SLC6A9: variants seen among roughly 807,000 people sequenced by gnomAD.
The protein encoded by SLC6A9 is solute carrier family 6 member 9.
In SLC6A9, 31 loss-of-function variants were observed where a neutral mutation model predicts 70.9. The ratio of observed to expected loss-of-function variants is 0.44; its 90% CI spans 0.33 to 0.59. SLC6A9 has a LOEUF of 0.59. Ranked by LOEUF, SLC6A9 falls within the 20% of genes least tolerant of loss-of-function variation. The probability of loss-of-function intolerance (pLI) is 0.04; values close to 1 mark genes in which losing one functional copy is unlikely to be tolerated. For synonymous variants in SLC6A9, 310 were observed against 341.3 expected, an observed-to-expected ratio of 0.91 and a Z score of 1.01; for missense variants, 631 against 845.2, an observed-to-expected ratio of 0.75 and a Z score of 3.14.
rs1366926093 is a variant in SLC6A9, at chr1:44,008,420, G to A, written c.523C>T (p.Pro175Ser). The A allele has an allele frequency of 6.2e-7, 1 of 1,614,136 alleles. No homozygotes were observed. The highest frequency in any genetic ancestry group is 2.2e-5 in the East Asian group (1 of 44,880). The change falls in exon 5 of 14, where the codon CCC (proline) becomes TCC (serine). Residue 175 changes from proline (P) to serine (S), a missense_variant. Coordinates refer to ENST00000372310, the MANE Select transcript of SLC6A9 (RefSeq NM_001024845.3). ...LTNGSRPAALPSNLSHLLNHS... is the reference protein window; with the variant it reads ...LTNGSRPAALSSNLSHLLNHS... ...TTGAGCAGGTGGGAGAGGTTGCTGG[G>A]CAAGGCGGCTGGCCGAGAGCCATTG...
rs774933025 is a variant in SLC6A9 at position 43,997,631 on chromosome 1, C to T, written c.1816G>A (p.Glu606Lys). ...TTGTCCGGGTGCAGTGGCTGGACCT[C>T]GAAGCCGTCCTCAGGAGAGGGGGCT... ...TIAPSPEDGFEVQPLHPDKAQ... is the reference protein window; with the variant it reads ...TIAPSPEDGFKVQPLHPDKAQ... Residue 606 changes from glutamate (E) to lysine (K), a missense_variant, in exon 14 of 14, where the codon GAG (glutamate) becomes AAG (lysine). Physicochemically the swap from Glu to Lys is moderately conservative, Grantham distance 56 (BLOSUM62 1). Coordinates refer to ENST00000372310, the MANE Select transcript of SLC6A9 (RefSeq NM_001024845.3). The surrounding 1 kb of genome is among the most constrained non-coding windows in gnomAD (Gnocchi z 4.4). 2.5e-5 allele frequency: 40 copies of T among 1,613,848 alleles called. No homozygotes were observed. Among genetic ancestry groups the T allele is most frequent in the South Asian group, 6.6e-5 (6 of 91,078 alleles).
rs534609473 is a variant in SLC6A9 at position 44,008,290 on chromosome 1, T to G, written c.590+63A>C. ...GGCACCCTACTTTGTCTTCAGATGG[T>G]TGCCCAGTGGGGACAGGGTTGCCAC... On this transcript the variant is annotated intron_variant, in intron 5 of 13. Transcript: ENST00000372310. 8.4e-6 allele frequency: 13 copies of G among 1,542,940 alleles called. No homozygotes were observed. In the South Asian group the frequency reaches 1.2e-4, roughly 15 times the overall value.
At position 44,008,485 on chromosome 1, in the gene SLC6A9, G is replaced by A. The variant is rs1007434363; in HGVS notation, c.458C>T (p.Thr153Met). The stretch of plus-strand genomic sequence containing the variant: ...GTCCAGTACACCGGCGCAGTCATGC[G>A]TGTTCCAGGGGTTATTGCAGTAGGC... The part of the protein sequence containing the change: ...PWAYCNNPWN[T>M]HDCAGVLDAS... The change falls in exon 5 of 14, where the codon ACG becomes ATG. Residue 153 changes from threonine to methionine, a missense_variant. By Grantham distance (81) the Thr-to-Met change is moderately conservative. Coordinates refer to ENST00000372310, the MANE Select transcript of SLC6A9 (RefSeq NM_001024845.3). The A allele has an allele frequency of 3.7e-6, 6 of 1,614,202 alleles. No homozygotes were observed. Among genetic ancestry groups the A allele is most frequent in the South Asian group, 2.2e-5 (2 of 91,084 alleles).
chr1:44,024,102 G>T, intron 2 of SLC6A9, 146 bp downstream of exon 2: 3 of 803,490 alleles, frequency 3.7e-6, no homozygotes, highest in South Asian at 2.8e-5. Flanking sequence ...CTAGATGAGG[G>T]GCTACCTGCC....
At position 44,000,877 on chromosome 1, in the gene SLC6A9, TG is replaced by T. The variant is rs2086068711; in HGVS notation, c.1436-11del. On this transcript the variant is annotated splice_polypyrimidine_tract_variant and intron_variant, in intron 11 of 13. Coordinates refer to ENST00000372310, the MANE Select transcript of SLC6A9 (RefSeq NM_001024845.3). ...AAGTAGTTCCGGTGCCCTGGAGAGA[TG>T]GGGGGTCAGCAGACCCGCAGGACAG... 5 of 1,601,258 alleles carry T rather than the reference TG, an allele frequency of 3.1e-6. No homozygotes were observed. The highest frequency in any genetic ancestry group is 1.3e-5 in the African/African-American group (1 of 74,450).
At chr1:44,010,462 G>GGT (rs2086513392) in intron 3 of SLC6A9, 1 of 229,564 alleles carries the variant, frequency 4.4e-6, no homozygotes. Context: ...TGGGCGGGGG[G>GGT]GGGGGGGGGT....
intron 2 of SLC6A9, among the ~76,000 whole-genome samples, chr1:44,012,237 T>A (rs939937567): frequency 1.3e-5 from 2 of 152,242 alleles, no homozygotes; most frequent in African/African-American, 4.8e-5. Flanking sequence ...ACCCTGATGC[T>A]GATGAACAAA....
At chr1:44,009,921 G>T (rs199967191) in intron 4 of SLC6A9, 44 bp downstream of exon 4, 11 of 1,602,558 alleles carry the variant, frequency 6.9e-6, no homozygotes, top group Non-Finnish European at 9.4e-6. Context: ...AGAGGCCGTT[G>T]TGTGTTTGTG....
chr1:43,998,098 C>G (rs949994489), intron 12 of SLC6A9, 73 bp from the exon 13 acceptor site: 1 of 1,381,466 alleles, frequency 7.2e-7, no homozygotes. Context: ...CCTCTACCAG[C>G]ACCCTTTCCT....
At chr1:44,000,728 G>A (rs1205445767) in intron 12 of SLC6A9, 39 bp downstream of exon 12, 1 of 1,344,470 alleles carries the variant, frequency 7.4e-7, no homozygotes, top group Non-Finnish European at 1.1e-6. Context: ...CATGGCCAAG[G>A]GGCAGCGGGG....
chr1:44,002,806 A>C lies in SLC6A9; in HGVS notation c.723+47T>G. The C allele has an allele frequency of 6.2e-7, 1 of 1,610,886 alleles. No individual in the cohort carries two copies. Among genetic ancestry groups the C allele is most frequent in the Non-Finnish European group, 8.5e-7 (1 of 1,177,572 alleles). The stretch of plus-strand genomic sequence containing the variant: ...TACACACATAACCCAGGTAGGGGGC[A>C]GGGTCTTTCTGGGTGGGCACAGACC... On this transcript the variant is annotated intron_variant, in intron 6 of 13. Coordinates refer to ENST00000372310, the MANE Select transcript of SLC6A9 (RefSeq NM_001024845.3). This position sits in a 1 kb window ranked among gnomAD's most constrained non-coding sequence, Gnocchi z 5.5.
chr1:44,015,097 T>G (rs531181085), intron 2 of SLC6A9, among the ~76,000 whole-genome samples: 1 of 152,200 alleles, frequency 6.6e-6, no homozygotes, highest in Admixed American at 6.5e-5. Flanking sequence ...GCCCTTTTTT[T>G]TCCTGATTAT....
At position 43,997,141 on chromosome 1, in the gene SLC6A9, T is replaced by G. The variant is rs1444951717; in HGVS notation, c.*404A>C. 1 of 217,206 alleles carries G rather than the reference T, an allele frequency of 4.6e-6. No homozygotes were observed. The highest frequency in any genetic ancestry group is 7.6e-5 in the South Asian group (1 of 13,104). The allele number at this position is 217,206 out of a possible 1,614,324, so 13.5% of individuals were successfully genotyped here. The stretch of plus-strand genomic sequence containing the variant: ...GCCCCTAGGGAGGAATAGCCAAATG[T>G]GCCTGGCAGAGGCTGGGGTCGGCTC... On this transcript the variant is annotated 3_prime_UTR_variant, in exon 14 of 14. Coordinates refer to ENST00000372310, the MANE Select transcript of SLC6A9 (RefSeq NM_001024845.3). This position sits in a 1 kb window ranked among gnomAD's most constrained non-coding sequence, Gnocchi z 4.4.
chr1:44,008,780 C>T (rs999526818), intron 4 of SLC6A9, among the ~76,000 whole-genome samples, 157 bp from the exon 5 acceptor site: 1 of 150,582 alleles, frequency 6.6e-6, no homozygotes, highest in Non-Finnish European at 1.5e-5. Context: ...AGTGCAGTGG[C>T]GGAATCTTGG....
chr1:44,009,304 C>G (rs1053812390), intron 4 of SLC6A9, among the ~76,000 whole-genome samples: 4 of 151,476 alleles, frequency 2.6e-5, no homozygotes, highest in Non-Finnish European at 5.9e-5. Context: ...ACTACAAGCT[C>G]TGCCTCCCGG....
At position 44,001,767 on chromosome 1, in the gene SLC6A9, G is replaced by T. The variant is rs910298506; in HGVS notation, c.963-140C>A. ...GTGGGAGACAGGGTCTCACTCTGTTGTCCAGGATGGAGTGCAATGGCGCTA... is the reference window on the plus strand; with the variant it reads ...GTGGGAGACAGGGTCTCACTCTGTTTTCCAGGATGGAGTGCAATGGCGCTA... On this transcript the variant is annotated intron_variant, in intron 8 of 13. Transcript: ENST00000372310. The T allele has an allele frequency of 1.9e-5, 13 of 687,684 alleles. 1 individual carries two copies. The highest frequency in any genetic ancestry group is 3.3e-5 in the Non-Finnish European group (13 of 388,524). The allele number at this position is 687,684 out of a possible 1,614,324, so 42.6% of individuals were successfully genotyped here. A position where few individuals can be genotyped will look rare whatever the true frequency, so the allele number is the denominator to read the frequency against.
chr1:44,013,383 C>T lies in SLC6A9; in HGVS notation c.31-2501G>A, dbSNP rs545324508. On this transcript the variant is annotated intron_variant, in intron 2 of 13. Transcript: ENST00000372310. The surrounding 1 kb of genome is among the most constrained non-coding windows in gnomAD (Gnocchi z 5.3). Reference sequence around the variant, plus strand: ...CTTCCAGCCACGTGCCACAGACAGCCGCCTGCCTGAGCCCTCAAGAGCCAG... The same window carrying T: ...CTTCCAGCCACGTGCCACAGACAGCTGCCTGCCTGAGCCCTCAAGAGCCAG... Among the ~76,000 whole-genome samples, 8 of 152,308 alleles carry T rather than the reference C, an allele frequency of 5.3e-5. No homozygotes were observed. Among genetic ancestry groups the T allele is most frequent in the Middle Eastern group, 3.4e-3 (1 of 294 alleles).
chr1:44,007,808 G>A (rs775809195), intron 5 of SLC6A9, among the ~76,000 whole-genome samples: 1 of 151,910 alleles, frequency 6.6e-6, no homozygotes, highest in Admixed American at 6.6e-5. Context: ...CTGAAGGCTG[G>A]TTTGCTGGAT....
intron 1 of SLC6A9, among the ~76,000 whole-genome samples, chr1:44,028,088 G>C (rs1378212274): frequency 6.6e-6 from 1 of 152,226 alleles, no homozygotes; most frequent in Non-Finnish European, 1.5e-5. Flanking sequence ...CTAGGGGAGG[G>C]CTTCCCTGAT....
Sources: gnomAD v4.1 joint callset for allele counts (sites outside exome capture counted in the v4.1 genomes callset) on GRCh38, gnomAD v4.1.1 for gene constraint, Gnocchi (gnomAD v3.1) non-coding constraint, MANE v1.5 for transcripts, NCBI Gene and HGNC (gene_info 2026-07-23, HGNC 2026-07-21) for gene names.